Variants in NDUFA6 observed in about 807,000 individuals in gnomAD.
NDUFA6 encodes the protein NADH dehydrogenase [ubiquinone] 1 alpha subcomplex subunit 6.
NDUFA6 carries 10 observed loss-of-function variants against 12.5 expected under a neutral mutation model. The ratio of observed to expected loss-of-function variants is 0.80; its 90% confidence interval spans 0.49 to 1.35. The LOEUF (loss-of-function observed/expected upper bound fraction) is 1.35. Among genes scored for constraint, NDUFA6 ranks in the 40% most tolerant of loss-of-function variants. The pLI is 0.00. For missense variants in NDUFA6, 177 were observed against 173.5 expected (o/e 1.02, Z -0.11); for synonymous variants, 66 against 63.0 (o/e 1.05, Z -0.23).
In NDUFA6 at chr22:42,085,881, A is replaced by G. The variant is rs902289662; in HGVS notation, c.*302T>C. 4.1e-6 allele frequency: 2 copies of G among 488,760 alleles called. No homozygotes were observed. Among genetic ancestry groups the G allele is most frequent in the Non-Finnish European group, 7.4e-6 (2 of 268,960 alleles). The allele number at this position is 488,760 out of a possible 1,614,324, so 30.3% of individuals were successfully genotyped here. ...TCATAGGGGCTATAGAAACAACTAC[A>G]TTAACAAGTCGTCCAGCCTCATGCC... On this transcript the variant is annotated 3_prime_UTR_variant, in exon 3 of 3. Transcript: ENST00000498737.
In NDUFA6 at chr22:42,086,327, G is replaced by A; in HGVS notation, c.256-13C>T. The stretch of plus-strand genomic sequence containing the variant: ...GTTCGATCTTTCCCTGAACAGTGAG[G>A]AGAGAGGTCATCAGTCAAAGTTGTC... On this transcript the variant is annotated splice_polypyrimidine_tract_variant and intron_variant, in intron 2 of 2. Coordinates refer to ENST00000498737, the MANE Select transcript of NDUFA6 (RefSeq NM_002490.6). The A allele has an allele frequency of 6.2e-7, 1 of 1,614,162 alleles. No homozygotes were observed. Among genetic ancestry groups the A allele is most frequent in the Non-Finnish European group, 8.5e-7 (1 of 1,180,022 alleles).
intron 2 of NDUFA6, 144 bp downstream of exon 2, chr22:42,086,916 A>C (rs1172179940): frequency 2.8e-6 from 2 of 707,128 alleles, no homozygotes; most frequent in East Asian, 5.0e-5. Context: ...CTCCAAGTTC[A>C]AGTATTTCTC....
Position 42,086,264 on chromosome 22 carries a change from A to T in NDUFA6, c.306T>A (p.His102Gln), listed in dbSNP as rs201973818. ...ETIKVWKQRT[H>Q]VMRFFHETEA... ...CTGTTTCATGGAAGAACCGCATAAC[A>T]TGTGTCCGCTGCTTCCATACTTTAA... The change falls in exon 3 of 3, where the codon CAT becomes CAA. Residue 102 changes from histidine (H) to glutamine (Q), a missense_variant. Physicochemically the swap from His to Gln is conservative, Grantham distance 24. Transcript: ENST00000498737. The T allele has an allele frequency of 2.4e-5, 39 of 1,614,038 alleles. No homozygotes were observed. In the Middle Eastern group the frequency reaches 4.9e-4, roughly 20 times the overall value.
At position 42,087,099 on chromosome 22, in the gene NDUFA6, A is replaced by G; in HGVS notation, c.216T>C (p.His72=). 6.2e-7 allele frequency: 1 copy of G among 1,614,162 alleles called. No individual in the cohort carries two copies. Among genetic ancestry groups the G allele is most frequent in the Non-Finnish European group, 8.5e-7 (1 of 1,179,970 alleles). The change falls in exon 2 of 3, where the codon CAT becomes CAC. Residue 72 remains histidine (H), a synonymous_variant. Transcript: ENST00000498737. ...GATCAACCACCCTGGGGTCTGTGACATGGGCATTCTTCATAAACATTTCTC... is the reference window on the plus strand; with the variant it reads ...GATCAACCACCCTGGGGTCTGTGACGTGGGCATTCTTCATAAACATTTCTC... ...KVREMFMKNA[H]VTDPRVVDLL...
rs565695767 is a variant in NDUFA6, at chr22:42,086,363, C to T, written c.256-49G>A. 23 of 1,611,424 alleles carry T rather than the reference C, an allele frequency of 1.4e-5. 1 individual carries two copies. In the South Asian group the frequency reaches 2.5e-4, roughly 18 times the overall value. ...TCAGTCAAAGTTGTCAAGTTGAAGGCATATGACACTGAAGGCCAGGATTCT... is the reference window on the plus strand; with the variant it reads ...TCAGTCAAAGTTGTCAAGTTGAAGGTATATGACACTGAAGGCCAGGATTCT... On this transcript the variant is annotated intron_variant, in intron 2 of 2. Coordinates refer to ENST00000498737, the MANE Select transcript of NDUFA6 (RefSeq NM_002490.6).
chr22:42,090,474 T>C, intron 1 of NDUFA6, 132 bp downstream of exon 1: 1 of 1,136,492 alleles, frequency 8.8e-7, no homozygotes, highest in Admixed American at 1.7e-5. Context: ...GGTGACCCTC[T>C]TCCCCTGAAG....
chr22:42,086,933 A>G (rs749151040), intron 2 of NDUFA6, 127 bp downstream of exon 2: 3 of 748,310 alleles, frequency 4.0e-6, no homozygotes, highest in Non-Finnish European at 7.3e-6. Context: ...TCTCTGAAAC[A>G]CAGCAATAAT....
chr22:42,090,720 C>T lies in NDUFA6; in HGVS notation c.25G>A (p.Ala9Thr), dbSNP rs1210850204. The stretch of plus-strand genomic sequence containing the variant: ...ACGAAGGTGCTGGCGGTAGAAGTAG[C>T]TTGGCGGACGCCGCTCCCCGCCATC... MAGSGVRQ[A>T]TSTASTFVKP... is the part of the protein sequence containing the mutation. Residue 9 changes from alanine (A) to threonine (T), a missense_variant, in exon 1 of 3, where the codon GCT becomes ACT. Ala to Thr is a moderately conservative substitution (Grantham distance 58). Transcript: ENST00000498737. The T allele has an allele frequency of 6.2e-7, 1 of 1,614,182 alleles. No individual in the cohort carries two copies. The highest frequency in any genetic ancestry group is 8.5e-7 in the Non-Finnish European group (1 of 1,180,038).
intron 1 of NDUFA6, 97 bp from the exon 2 acceptor site, chr22:42,087,272 T>A: frequency 2.1e-6 from 2 of 944,132 alleles, no homozygotes; most frequent in Non-Finnish European, 3.4e-6. Flanking sequence ...CGCCCATTCA[T>A]TTCTTCACCA....
Position 42,086,021 on chromosome 22 carries a change from G to T in NDUFA6, c.*162C>A. The stretch of plus-strand genomic sequence containing the variant: ...GCAAACACCACATTTCAAGAAAAGG[G>T]AAAGAACAGGTGATGTGTATACCAA... On this transcript the variant is annotated 3_prime_UTR_variant, in exon 3 of 3. Transcript: ENST00000498737. 1 of 857,778 alleles carries T rather than the reference G, an allele frequency of 1.2e-6. No homozygotes were observed. 53.1% of individuals were successfully genotyped at this position (857,778 alleles called of 1,614,324 possible).
chr22:42,090,221 C>T (rs1928548305), intron 1 of NDUFA6, among the ~76,000 whole-genome samples: 1 of 152,148 alleles, frequency 6.6e-6, no homozygotes, highest in Admixed American at 6.5e-5. Flanking sequence ...TATAATTACA[C>T]TCTGCAACTC....
chr22:42,086,185 A>C lies in NDUFA6; in HGVS notation c.385T>G (p.Ter129GlyextTer13), dbSNP rs980031648. 1 of 1,614,232 alleles carries C rather than the reference A, an allele frequency of 6.2e-7. No homozygotes were observed. Among genetic ancestry groups the C allele is most frequent in the Non-Finnish European group, 8.5e-7 (1 of 1,180,046 alleles). The change falls in exon 3 of 3, where the codon TGA becomes GGA. Residue 129 changes from the stop codon to glycine, a stop_lost. Transcript: ENST00000498737. ...LSKFYVGHDP[*>G] Reference sequence around the variant, plus strand: ...GTGCATCTTTCCACTGAATGACTTCATGGATCGTGGCCAACATAGAACTTG... The same window carrying C: ...GTGCATCTTTCCACTGAATGACTTCCTGGATCGTGGCCAACATAGAACTTG...
chr22:42,087,964 C>CGGGCATGGT (rs1292088440), intron 1 of NDUFA6, among the ~76,000 whole-genome samples: 1 of 149,770 alleles, frequency 6.7e-6, no homozygotes, highest in Non-Finnish European at 1.5e-5. Context: ...AAACATGAGC[C>CGGGCATGGT]GGGCATGGTG....
At chr22:42,090,371 A>G (rs1182097572) in intron 1 of NDUFA6, among the ~76,000 whole-genome samples, 1 of 152,062 alleles carries the variant, frequency 6.6e-6, no homozygotes, top group Non-Finnish European at 1.5e-5. Flanking sequence ...TGCGAAGGAC[A>G]AAAGAGACCA....
chr22:42,086,038 G>T lies in NDUFA6; in HGVS notation c.*145C>A. The T allele has an allele frequency of 1.0e-6, 1 of 987,492 alleles. No individual in the cohort carries two copies. Among genetic ancestry groups the T allele is most frequent in the Non-Finnish European group, 1.6e-6 (1 of 621,648 alleles). 61.2% of individuals were successfully genotyped at this position (987,492 alleles called of 1,614,324 possible). On this transcript the variant is annotated 3_prime_UTR_variant, in exon 3 of 3. Coordinates refer to ENST00000498737, the MANE Select transcript of NDUFA6 (RefSeq NM_002490.6). ...AGAAAAGGGAAAGAACAGGTGATGT[G>T]TATACCAAGGTCCCACTTGCTCAGG...
At position 42,090,698 on chromosome 22, in the gene NDUFA6, A is replaced by G. The variant is rs778423130; in HGVS notation, c.47T>C (p.Phe16Ser). The change falls in exon 1 of 3, where the codon TTC (phenylalanine) becomes TCC (serine). Residue 16 changes from phenylalanine to serine, a missense_variant. This residue lies in a region of NDUFA6 where 111 missense variants were observed against 87.2 expected (regional missense o/e 1.27). Transcript: ENST00000498737. ...GTCCCGACTGAAAATGGGCTTCACG[A>G]AGGTGCTGGCGGTAGAAGTAGCTTG... Reference protein sequence around the residue: ...VRQATSTASTFVKPIFSRDMN... With the variant: ...VRQATSTASTSVKPIFSRDMN... 6.2e-7 allele frequency: 1 copy of G among 1,614,172 alleles called. No homozygotes were observed. The highest frequency in any genetic ancestry group is 8.5e-7 in the Non-Finnish European group (1 of 1,180,040).
intron 1 of NDUFA6, among the ~76,000 whole-genome samples, chr22:42,089,181 C>T (rs567683463): frequency 1.3e-5 from 2 of 152,002 alleles, no homozygotes; most frequent in Non-Finnish European, 2.9e-5. Context: ...CTGATTTACC[C>T]TTCACAAGCC....
In NDUFA6 at chr22:42,086,352, C is replaced by T. The variant is rs1602517851; in HGVS notation, c.256-38G>A. 3.7e-6 allele frequency: 6 copies of T among 1,613,812 alleles called. No individual in the cohort carries two copies. The East Asian group carries it at 1.3e-4, about 36-fold the overall frequency. On this transcript the variant is annotated intron_variant, in intron 2 of 2. Coordinates refer to ENST00000498737, the MANE Select transcript of NDUFA6 (RefSeq NM_002490.6). ...GAGAGAGGTCATCAGTCAAAGTTGT[C>T]AAGTTGAAGGCATATGACACTGAAG...
rs2146871197 is a variant in NDUFA6, at chr22:42,086,073, G to A, written c.*110C>T. 5 of 1,497,300 alleles carry A rather than the reference G, an allele frequency of 3.3e-6. No individual in the cohort carries two copies. The highest frequency in any genetic ancestry group is 2.3e-5 in the East Asian group (1 of 44,288). The allele number at this position is 1,497,300 out of a possible 1,614,324, so 92.8% of individuals were successfully genotyped here. A position where few individuals can be genotyped will look rare whatever the true frequency, so the allele number is the denominator to read the frequency against. On this transcript the variant is annotated 3_prime_UTR_variant, in exon 3 of 3. Transcript: ENST00000498737. ...GTCCCACTTGCTCAGGCAAAAAGAG[G>A]CTGCAGAAAATTGGTTCATCAATGG...
Sources: gnomAD v4.1 joint callset for allele counts (sites outside exome capture counted in the v4.1 genomes callset) on GRCh38, gnomAD v4.1.1 for gene constraint, gnomAD v4.1.1 regional missense constraint, MANE v1.5 for transcripts, NCBI Gene and HGNC (gene_info 2026-07-23, HGNC 2026-07-21) for gene names.